Variants in ACTR5 observed in about 807,000 individuals in gnomAD.
ACTR5 encodes actin-related protein 5.
ACTR5 carries 43 observed loss-of-function variants against 61.2 expected under a neutral mutation model. That is an observed-to-expected ratio of 0.70 (90% CI 0.55 to 0.91). The LOEUF is 0.91. ACTR5 is among the 40% of genes least tolerant of loss of function. The probability of loss-of-function intolerance (pLI) is 0.00; values close to 1 mark genes in which losing one functional copy is unlikely to be tolerated. For synonymous variants in ACTR5, 333 were observed against 310.5 expected (o/e 1.07, Z -0.76); for missense variants, 798 against 782.2 (o/e 1.02, Z -0.24).
rs1490114997 is a variant in ACTR5, at chr20:38,755,844, G to A, written c.994-13G>A. 1 of 1,613,882 alleles carries A rather than the reference G, an allele frequency of 6.2e-7. No individual in the cohort carries two copies. Among genetic ancestry groups the A allele is most frequent in the Admixed American group, 1.7e-5 (1 of 59,950 alleles). On this transcript the variant is annotated splice_polypyrimidine_tract_variant and intron_variant, in intron 4 of 8. Coordinates refer to ENST00000243903, the MANE Select transcript of ACTR5 (RefSeq NM_024855.4). Reference sequence around the variant, plus strand: ...GCTACTTTCCTTCCTGTTTGTGACTGCTCTGTTTTCAGGAACTTCTAGAGG... The same window carrying A: ...GCTACTTTCCTTCCTGTTTGTGACTACTCTGTTTTCAGGAACTTCTAGAGG...
intron 7 of ACTR5, 56 bp from the exon 8 acceptor site, chr20:38,767,408 C>T: frequency 6.7e-7 from 1 of 1,483,516 alleles, no homozygotes; most frequent in Non-Finnish European, 9.1e-7. Context: ...TCTGCATCCA[C>T]ATTTCGTTCT....
rs1263799930 is a variant in ACTR5, at chr20:38,770,988, CATA to C, written c.1567-568_1567-566del. Among the ~76,000 whole-genome samples the C allele has an allele frequency of 3.3e-5, 5 of 152,196 alleles. No individual in the cohort carries two copies. In the East Asian group the frequency reaches 7.7e-4, roughly 23 times the overall value. The stretch of plus-strand genomic sequence containing the variant: ...GGCCCGATGGAAGCTGCAGTGTTAC[CATA>C]ATGATCAGATCAGCCTAGCCGAGGG... On this transcript the variant is annotated intron_variant, in intron 8 of 8. Coordinates refer to ENST00000243903, the MANE Select transcript of ACTR5 (RefSeq NM_024855.4).
Position 38,748,864 on chromosome 20 carries a change from G to C in ACTR5, c.375+11G>C. The C allele has an allele frequency of 6.2e-7, 1 of 1,602,240 alleles. No individual in the cohort carries two copies. Among genetic ancestry groups the C allele is most frequent in the Non-Finnish European group, 8.5e-7 (1 of 1,175,572 alleles). Reference sequence around the variant, plus strand: ...GGTGTCTCCTCACAGGTGAAGGGCGGAGTAGGCTGGGCTGGGCTGGGTTTG... The same window carrying C: ...GGTGTCTCCTCACAGGTGAAGGGCGCAGTAGGCTGGGCTGGGCTGGGTTTG... On this transcript the variant is annotated intron_variant, in intron 1 of 8. Transcript: ENST00000243903.
At chr20:38,765,764 C>G (rs2084482668) in intron 6 of ACTR5, among the ~76,000 whole-genome samples, 1 of 152,166 alleles carries the variant, frequency 6.6e-6, no homozygotes, top group African/African-American at 2.4e-5. Context: ...TAATTGGGAA[C>G]TTGAGATCTG....
chr20:38,765,671 C>T (rs963809416), intron 6 of ACTR5, among the ~76,000 whole-genome samples, 153 bp downstream of exon 6: 2 of 151,922 alleles, frequency 1.3e-5, no homozygotes, highest in Non-Finnish European at 2.9e-5. Context: ...ATTTTTTTCC[C>T]CCGGTGATTG....
intron 1 of ACTR5, 97 bp downstream of exon 1, chr20:38,748,950 A>T: frequency 1.4e-6 from 2 of 1,421,358 alleles, no homozygotes; most frequent in South Asian, 2.8e-5. Context: ...CAGTCACTTC[A>T]GTAGCTCCGA....
intron 3 of ACTR5, among the ~76,000 whole-genome samples, chr20:38,753,881 T>TC (rs1412547700): frequency 1.3e-4 from 19 of 151,268 alleles, no homozygotes; most frequent in Admixed American, 3.3e-4. Context: ...AGCTTTTTTT[T>TC]TTTTTTTTTA....
At chr20:38,755,304 CA>C (rs2084413542) in intron 4 of ACTR5, 130 bp downstream of exon 4, 2 of 920,390 alleles carry the variant, frequency 2.2e-6, no homozygotes, top group Non-Finnish European at 3.2e-6. Flanking sequence ...CGAAGGAGTC[CA>C]GGGGGATCAT....
In ACTR5 at chr20:38,751,203, C is replaced by T. The variant is rs181774094; in HGVS notation, c.606-928C>T. On this transcript the variant is annotated intron_variant, in intron 2 of 8. Transcript: ENST00000243903. The stretch of plus-strand genomic sequence containing the variant: ...TTGCAGCTCTGCTACTTAACTTCCT[C>T]ACTTCATTTCCTGATACGTAAAATT... 8.2e-3 allele frequency among the ~76,000 whole-genome samples: 1,247 copies of T among 152,322 alleles called. 17 individuals are homozygous for T. The highest frequency in any genetic ancestry group is 0.01 in the Non-Finnish European group (713 of 68,024).
At chr20:38,763,170 C>G (rs1336019817) in intron 5 of ACTR5, among the ~76,000 whole-genome samples, 1 of 152,216 alleles carries the variant, frequency 6.6e-6, no homozygotes, top group East Asian at 1.9e-4. Flanking sequence ...TTATGTCACA[C>G]TGCCTCCTGG....
chr20:38,748,936 G>GT lies in ACTR5; in HGVS notation c.375+84dup, dbSNP rs2084369780. 12 of 1,486,724 alleles carry GT rather than the reference G, an allele frequency of 8.1e-6. 1 individual carries two copies. The highest frequency in any genetic ancestry group is 6.7e-5 in the South Asian group (5 of 74,866). 92.1% of individuals were successfully genotyped at this position (1,486,724 alleles called of 1,614,324 possible). A position where few individuals can be genotyped will look rare whatever the true frequency, so the allele number is the denominator to read the frequency against. On this transcript the variant is annotated intron_variant, in intron 1 of 8. Transcript: ENST00000243903. ...CTCCGCTCACTCTGCTCTCGGAGAG[G>GT]TAACAGTCACTTCAGTAGCTCCGAT...
Position 38,750,247 on chromosome 20 carries a change from G to A in ACTR5, c.605+8G>A, listed in dbSNP as rs779496910. 14 of 1,607,934 alleles carry A rather than the reference G, an allele frequency of 8.7e-6. No individual in the cohort carries two copies. The highest frequency in any genetic ancestry group is 8.0e-5 in the African/African-American group (6 of 74,680). ...ACCCATCTTAGAAGGGAGGTGAGTTGCACTTGTGGCATTTGAGTGCGATTT... is the reference window on the plus strand; with the variant it reads ...ACCCATCTTAGAAGGGAGGTGAGTTACACTTGTGGCATTTGAGTGCGATTT... On this transcript the variant is annotated splice_region_variant and intron_variant, in intron 2 of 8. Transcript: ENST00000243903.
intron 8 of ACTR5, among the ~76,000 whole-genome samples, chr20:38,770,761 C>G (rs1369448707): frequency 6.6e-6 from 1 of 152,164 alleles, no homozygotes; most frequent in Non-Finnish European, 1.5e-5. Context: ...GGCCCCTTGC[C>G]CACGTGGCAA....
At position 38,748,473 on chromosome 20, in the gene ACTR5, T is replaced by C. The variant is rs546609858; in HGVS notation, c.-6T>C. 98 of 1,480,378 alleles carry C rather than the reference T, an allele frequency of 6.6e-5. 1 individual carries two copies. The Middle Eastern group carries it at 9.5e-4, about 14-fold the overall frequency. 91.7% of individuals were successfully genotyped at this position (1,480,378 alleles called of 1,614,324 possible). On this transcript the variant is annotated 5_prime_UTR_variant, in exon 1 of 9. Coordinates refer to ENST00000243903, the MANE Select transcript of ACTR5 (RefSeq NM_024855.4). ...CCGAGGGGCGGGGCTGGACGCGCGCTCCAAGATGGCGGCGAACGTGTTCCC... is the reference window on the plus strand; with the variant it reads ...CCGAGGGGCGGGGCTGGACGCGCGCCCCAAGATGGCGGCGAACGTGTTCCC...
At chr20:38,758,209 A>G (rs1048306174) in intron 5 of ACTR5, among the ~76,000 whole-genome samples, 1 of 152,114 alleles carries the variant, frequency 6.6e-6, no homozygotes, top group South Asian at 2.1e-4. Context: ...GATGTGATTC[A>G]TCACCCATTC....
chr20:38,766,568 G>A (rs2084488223), intron 7 of ACTR5, among the ~76,000 whole-genome samples, 191 bp downstream of exon 7: 1 of 152,166 alleles, frequency 6.6e-6, no homozygotes, highest in African/African-American at 2.4e-5. Context: ...GGGCTCTGTA[G>A]TTGTTTTCTG....
intron 7 of ACTR5, 29 bp from the exon 8 acceptor site, chr20:38,767,435 G>A (rs1379972629): frequency 1.3e-6 from 2 of 1,597,438 alleles, no homozygotes; most frequent in South Asian, 1.1e-5. Flanking sequence ...TGAGTTAAGG[G>A]ACTATATTAG....
intron 8 of ACTR5, among the ~76,000 whole-genome samples, chr20:38,769,450 A>G (rs2084507269): frequency 6.6e-6 from 1 of 152,224 alleles, no homozygotes; most frequent in African/African-American, 2.4e-5. Context: ...TCAGAGCTTG[A>G]TAGTAAGTTG....
intron 5 of ACTR5, 80 bp downstream of exon 5, chr20:38,756,119 C>T (rs1214275388): frequency 1.4e-6 from 2 of 1,440,422 alleles, no homozygotes; most frequent in East Asian, 4.8e-5. Context: ...GGGGTTGTGC[C>T]CAGAGTCAGG....
Sources: gnomAD v4.1 joint callset for allele counts (sites outside exome capture counted in the v4.1 genomes callset) on GRCh38, gnomAD v4.1.1 for gene constraint, MANE v1.5 for transcripts, NCBI Gene and HGNC (gene_info 2026-07-23, HGNC 2026-07-21) for gene names.